Variants in ZNF248 observed in about 807,000 individuals in gnomAD.
The protein encoded by ZNF248 is KRAB protein domain.
A neutral mutation model predicts 44.3 loss-of-function variants in ZNF248; 20 were observed. The observed-to-expected ratio is 0.45, with a 90% CI of 0.32 to 0.66. The LOEUF (loss-of-function observed/expected upper bound fraction) is 0.66. Ranked by LOEUF, ZNF248 falls within the 30% of genes least tolerant of loss-of-function variation. The probability of loss-of-function intolerance (pLI) is 0.04; values close to 1 mark genes in which losing one functional copy is unlikely to be tolerated. For synonymous variants in ZNF248, 224 were observed against 229.0 expected, an observed-to-expected ratio of 0.98 and a Z score of 0.20; for missense variants, 654 against 677.0, an observed-to-expected ratio of 0.97 and a Z score of 0.38.
chr10:37,851,128 G>T (rs2060153515), intron 3 of ZNF248, among the ~76,000 whole-genome samples: 1 of 152,114 alleles, frequency 6.6e-6, no homozygotes, highest in Non-Finnish European at 1.5e-5. Context: ...ATAGTAATGT[G>T]GGAGACCAGA....
rs2051692787 is a variant in ZNF248 at position 37,812,578 on chromosome 10, T to C, written c.330+20447A>G. ...TCTGGATAGGTTTCACCATGCTTTG[T>C]CCCTGAAGTCAGGACATACCTTTCT... On this transcript the variant is annotated intron_variant, in intron 6 of 6. Coordinates refer to the ZNF248 transcript ENST00000615949. 2.6e-5 allele frequency among the ~76,000 whole-genome samples: 4 copies of C among 152,300 alleles called. No individual in the cohort carries two copies. In the South Asian group the frequency reaches 8.3e-4, roughly 32 times the overall value.
At chr10:37,848,452 C>T (rs1263639895) in intron 3 of ZNF248, among the ~76,000 whole-genome samples, 9 of 145,662 alleles carry the variant, frequency 6.2e-5, no homozygotes, top group African/African-American at 1.8e-4. Flanking sequence ...TCATGGTGGC[C>T]AGTGCCTGTA....
At chr10:37,801,129 C>A (rs1474871741) in intron 6 of ZNF248, among the ~76,000 whole-genome samples, 1 of 151,924 alleles carries the variant, frequency 6.6e-6, no homozygotes, top group Non-Finnish European at 1.5e-5. Context: ...ATAATCCCAG[C>A]ACCTTGGGAG....
intron 3 of ZNF248, among the ~76,000 whole-genome samples, chr10:37,842,579 T>C (rs1233929104): frequency 6.6e-6 from 1 of 152,166 alleles, no homozygotes; most frequent in Non-Finnish European, 1.5e-5. Flanking sequence ...AGGAATTGCT[T>C]ATCTGTTCCA....
Position 37,831,976 on chromosome 10 carries a change from CCT to C in ZNF248, c.1377_1378del (p.Lys462AlafsTer3). 2 of 1,614,086 alleles carry C rather than the reference CCT, an allele frequency of 1.2e-6. No homozygotes were observed. Among genetic ancestry groups the C allele is most frequent in the Non-Finnish European group, 1.7e-6 (2 of 1,179,946 alleles). ...TGCATTACATTCATAGGGCTTCTCC[CCT>C]GTGTGTGTTCTCTGATGTTCAGTGA... is the stretch of plus-strand genomic sequence containing the variant. On this transcript the variant is annotated frameshift_variant, in exon 6 of 6. Coordinates refer to ENST00000395867, the MANE Select transcript of ZNF248 (RefSeq NM_021045.3). LOFTEE classifies it high-confidence loss of function.
At chr10:37,820,448 C>T in intron 6 of ZNF248, 2 of 1,582,614 alleles carry the variant, frequency 1.3e-6, no homozygotes, top group Non-Finnish European at 1.7e-6. Flanking sequence ...TGCAGTGCTG[C>T]CATCTAAACC....
intron 6 of ZNF248, among the ~76,000 whole-genome samples, chr10:37,785,212 G>GTT (rs1374547586): frequency 6.6e-6 from 1 of 152,170 alleles, no homozygotes; most frequent in Non-Finnish European, 1.5e-5. Flanking sequence ...AAATAGACCA[G>GTT]TAACAGCACA....
At chr10:37,826,175 TGTAA>T (rs369671690), downstream of ZNF248, among the ~76,000 whole-genome samples, 40 of 152,304 alleles carry the variant, frequency 2.6e-4, no homozygotes, top group African/African-American at 7.7e-4. Flanking sequence ...ATTTCCATTG[TGTAA>T]GTGTGTGTGT....
rs190356786 is a variant in ZNF248 at position 37,848,410 on chromosome 10, C to G, written c.15+7886G>C. The stretch of plus-strand genomic sequence containing the variant: ...AACAGCCTGGCAACATGGGGAAACC[C>G]CGTCTCTACTAAAAACACAAAAATT... On this transcript the variant is annotated intron_variant, in intron 3 of 5. Transcript: ENST00000395867. Among the ~76,000 whole-genome samples, 913 of 151,956 alleles carry G rather than the reference C, an allele frequency of 6.0e-3. 10 individuals carry two copies. The highest frequency in any genetic ancestry group is 0.021 in the African/African-American group (872 of 41,418).
intron 3 of ZNF248, among the ~76,000 whole-genome samples, chr10:37,855,327 GAGGA>G (rs1195582573): frequency 1.3e-5 from 2 of 152,124 alleles, no homozygotes; most frequent in Non-Finnish European, 2.9e-5. Context: ...TGCATGAACA[GAGGA>G]AGGGAGTGTG....
the ZNF248 span, among the ~76,000 whole-genome samples, chr10:37,762,573 G>A: frequency 3.9e-5 from 6 of 152,142 alleles, no homozygotes; most frequent in Non-Finnish European, 8.8e-5. Flanking sequence ...GGGGGATGGG[G>A]GGTTAAGAAA....
Position 37,831,212 on chromosome 10 carries a change from T to G in ZNF248, c.*403A>C. The stretch of plus-strand genomic sequence containing the variant: ...ATATACAAATCAAGCATACTCAAAT[T>G]TATATATTTGCATACTCACATAAGG... On this transcript the variant is annotated 3_prime_UTR_variant, in exon 6 of 6. Transcript: ENST00000395867. 1 of 1,543,630 alleles carries G rather than the reference T, an allele frequency of 6.5e-7. No homozygotes were observed. Among genetic ancestry groups the G allele is most frequent in the Admixed American group, 2.0e-5 (1 of 50,010 alleles).
intron 3 of ZNF248, among the ~76,000 whole-genome samples, chr10:37,844,184 G>A (rs1464111238): frequency 6.6e-6 from 1 of 152,186 alleles, no homozygotes; most frequent in East Asian, 1.9e-4. Flanking sequence ...CCAGAAGGCA[G>A]TGGGATGGCA....
At chr10:37,778,003 C>T (rs1283002534) in intron 6 of ZNF248, among the ~76,000 whole-genome samples, 1 of 151,954 alleles carries the variant, frequency 6.6e-6, no homozygotes, top group African/African-American at 2.4e-5. Flanking sequence ...CATACGTGTG[C>T]ATGTGTCTTT....
In ZNF248 at chr10:37,829,605, G is replaced by C. The variant is rs1353940388; in HGVS notation, c.*2010C>G. The C allele has an allele frequency of 2.7e-5, 27 of 985,292 alleles. No homozygotes were observed. Among genetic ancestry groups the C allele is most frequent in the Non-Finnish European group, 3.0e-5 (25 of 829,946 alleles). 61.0% of individuals were successfully genotyped at this position (985,292 alleles called of 1,614,324 possible). On this transcript the variant is annotated 3_prime_UTR_variant, in exon 6 of 6. Transcript: ENST00000395867. ...TTATAAAAAGTCCCAGTAGAGAACA[G>C]GTATAGAGAGCAGAGTAGCTCGGCA...
In ZNF248 at chr10:37,831,335, A is replaced by C. The variant is rs1489864928; in HGVS notation, c.*280T>G. On this transcript the variant is annotated 3_prime_UTR_variant, in exon 6 of 6. Transcript: ENST00000395867. Reference sequence around the variant, plus strand: ...CCACTGTGAATATGGGTATAAATAAATATTGTCCATTATATTTGCAACAAA... The same window carrying C: ...CCACTGTGAATATGGGTATAAATAACTATTGTCCATTATATTTGCAACAAA... The C allele has an allele frequency of 6.5e-7, 1 of 1,548,676 alleles. No homozygotes were observed. Among genetic ancestry groups the C allele is most frequent in the African/African-American group, 1.4e-5 (1 of 72,966 alleles).
intron 6 of ZNF248, chr10:37,791,834 G>A (rs2048584761): frequency 6.6e-6 from 1 of 152,220 alleles, no homozygotes. Context: ...CTATTGGCTG[G>A]TAAGAACAAA....
chr10:37,856,706 T>C (rs1011482682), intron 1 of ZNF248, 174 bp from the exon 2 acceptor site: 10 of 994,420 alleles, frequency 1.0e-5, no homozygotes, highest in African/African-American at 3.5e-5. Context: ...GGTTAGATAA[T>C]GCAAAAGACC....
At position 37,808,284 on chromosome 10, in the gene ZNF248, T is replaced by C. The variant is rs183791580; in HGVS notation, c.330+24741A>G. On this transcript the variant is annotated intron_variant, in intron 6 of 6. Transcript: ENST00000615949. Reference sequence around the variant, plus strand: ...ATGGTATATAACCTTTTTTCTTTTTTTTTTTTTTTCTGAGACAGAATCTCG... The same window carrying C: ...ATGGTATATAACCTTTTTTCTTTTTCTTTTTTTTTCTGAGACAGAATCTCG... Among the ~76,000 whole-genome samples, 45 of 151,472 alleles carry C rather than the reference T, an allele frequency of 3.0e-4. No individual in the cohort carries two copies. In the East Asian group the frequency reaches 8.3e-3, roughly 28 times the overall value.
Sources: allele counts gnomAD v4.1 joint callset (sites outside exome capture counted in the v4.1 genomes callset), GRCh38; gene constraint gnomAD v4.1.1; transcripts MANE v1.5; gene names NCBI Gene and HGNC (gene_info 2026-07-23, HGNC 2026-07-21).